CLASP1: variants seen among roughly 807,000 people sequenced by gnomAD.
The protein encoded by CLASP1 is cytoplasmic linker associated protein 1.
Under a neutral mutation model 192.3 loss-of-function variants are expected in CLASP1, and 38 were observed. That is an observed-to-expected ratio of 0.20 (90% CI 0.15 to 0.26). CLASP1 has a LOEUF of 0.26. CLASP1 is among the 10% of genes least tolerant of loss of function. The probability of loss-of-function intolerance (pLI) is 1.00; values close to 1 mark genes in which losing one functional copy is unlikely to be tolerated. For missense variants in CLASP1, 1,433 were observed against 1,932.5 expected (o/e 0.74, Z 4.85); for synonymous variants, 691 against 712.8 (o/e 0.97, Z 0.49).
chr2:121,404,518 G>A, intron 25 of CLASP1, 84 bp from the exon 27 acceptor site: 1 of 1,203,894 alleles, frequency 8.3e-7, no homozygotes, highest in Non-Finnish European at 1.2e-6. Context: ...CCAGGCTAGA[G>A]TGCAGTGGTG....
chr2:121,348,572 C>T, exon 38 of CLASP1: 1 of 1,613,716 alleles, frequency 6.2e-7, no homozygotes, highest in South Asian at 1.1e-5. Flanking sequence ...TTGCGATCCT[C>T]TCGACGACTT....
intron 1 of CLASP1, among the ~76,000 whole-genome samples, chr2:121,626,969 T>A (rs1343100963): frequency 6.6e-6 from 1 of 152,106 alleles, no homozygotes; most frequent in Non-Finnish European, 1.5e-5. Context: ...AAGCAAGTGA[T>A]CCACAAAGAA....
At chr2:121,482,641 G>A (rs2092681930) in intron 8 of CLASP1, among the ~76,000 whole-genome samples, 2 of 152,136 alleles carry the variant, frequency 1.3e-5, no homozygotes, top group African/African-American at 2.4e-5. Context: ...GGAAGATGGG[G>A]ATAAACTATC....
chr2:121,647,390 TAATA>T (rs754486625), intron 1 of CLASP1, among the ~76,000 whole-genome samples: 24 of 152,018 alleles, frequency 1.6e-4, no homozygotes, highest in Non-Finnish European at 2.8e-4. Flanking sequence ...TAAAAATAAA[TAATA>T]AATAAAACCA....
In CLASP1 at chr2:121,339,149, A is replaced by ACACACACACAC. The variant is rs1448436298; in HGVS notation, c.*1701_*1711dup. 5.2e-5 allele frequency: 8 copies of ACACACACACAC among 153,806 alleles called. No individual in the cohort carries two copies. In the East Asian group the frequency reaches 1.5e-3, roughly 29 times the overall value. The allele number at this position is 153,806 out of a possible 1,614,324, so 9.5% of individuals were successfully genotyped here. On this transcript the variant is annotated 3_prime_UTR_variant, in exon 40 of 40. Coordinates refer to ENST00000263710, the Ensembl canonical transcript of CLASP1. The stretch of plus-strand genomic sequence containing the variant: ...CACAACACCACACACACACACACAC[A>ACACACACACAC]CACACACACACACACACACACGTCA...
intron 6 of CLASP1, among the ~76,000 whole-genome samples, chr2:121,524,841 A>T (rs2094537427): frequency 6.6e-6 from 1 of 152,174 alleles, no homozygotes; most frequent in South Asian, 2.1e-4. Flanking sequence ...ACAGGCAGTG[A>T]GGAGGGGAGA....
intron 1 of CLASP1, among the ~76,000 whole-genome samples, chr2:121,627,467 T>C (rs528521804): frequency 6.6e-6 from 1 of 152,282 alleles, no homozygotes; most frequent in Admixed American, 6.5e-5. Flanking sequence ...TTCCACCAAG[T>C]ATATCAAGAC....
chr2:121,377,914 C>G (rs1405559259), intron 33 of CLASP1, among the ~76,000 whole-genome samples: 1 of 152,012 alleles, frequency 6.6e-6, no homozygotes, highest in Non-Finnish European at 1.5e-5. Context: ...AATGCAGGAA[C>G]TCAAAGAGTG....
In CLASP1 at chr2:121,535,888, C is replaced by T. The variant is rs558661947; in HGVS notation, c.196-5563G>A. ...TGTTGCCCAGGCTGGTCTTGAACTT[C>T]TGGACTCAAGCGATCCGACTGTGTT... On this transcript the variant is annotated intron_variant, in intron 2 of 39. Coordinates refer to ENST00000263710, the Ensembl canonical transcript of CLASP1. Among the ~76,000 whole-genome samples, 4 of 151,980 alleles carry T rather than the reference C, an allele frequency of 2.6e-5. No individual in the cohort carries two copies. The East Asian group carries it at 7.8e-4, about 30-fold the overall frequency.
Position 121,534,630 on chromosome 2 carries a change from C to T in CLASP1, c.196-4305G>A, listed in dbSNP as rs192785217. Among the ~76,000 whole-genome samples, 1,002 of 152,048 alleles carry T rather than the reference C, an allele frequency of 6.6e-3. 15 individuals carry two copies. Among genetic ancestry groups the T allele is most frequent in the African/African-American group, 0.023 (958 of 41,354 alleles). ...TCTGCTCACTGCAACCTCCGCCTCC[C>T]GGGTTCAAGAGATTCTCGTGCTTCA... On this transcript the variant is annotated intron_variant, in intron 2 of 39. Coordinates refer to ENST00000263710, the Ensembl canonical transcript of CLASP1.
chr2:121,610,528 T>G (rs1229847630), intron 1 of CLASP1, among the ~76,000 whole-genome samples: 65 of 67,060 alleles, frequency 9.7e-4, no homozygotes, highest in Admixed American at 1.5e-3. Context: ...GGAGGAGGAG[T>G]TACAGGAGGA....
chr2:121,577,835 G>A lies in CLASP1; in HGVS notation c.195+27866C>T, dbSNP rs114902995. On this transcript the variant is annotated intron_variant, in intron 2 of 39. Coordinates refer to ENST00000263710, the Ensembl canonical transcript of CLASP1. ...CATGCCTGTGATCCTAGCACTTTGG[G>A]AGCCCAAGACAGGAGAAGTGCTTGA... Among the ~76,000 whole-genome samples the A allele has an allele frequency of 7.4e-4, 112 of 152,250 alleles. 2 individuals are homozygous for A. Among genetic ancestry groups the A allele is most frequent in the African/African-American group, 2.6e-3 (108 of 41,558 alleles).
In CLASP1 at chr2:121,435,651, T is replaced by G. The variant is rs182006180; in HGVS notation, c.1913-5474A>C. Among the ~76,000 whole-genome samples, 313 of 152,342 alleles carry G rather than the reference T, an allele frequency of 2.1e-3. 1 individual carries two copies. Among genetic ancestry groups the G allele is most frequent in the African/African-American group, 7.1e-3 (294 of 41,566 alleles). On this transcript the variant is annotated intron_variant, in intron 19 of 39. Coordinates refer to ENST00000263710, the Ensembl canonical transcript of CLASP1. Reference sequence around the variant, plus strand: ...TATCCTCTCCTTTGTTTCCTTCTTTTGGATTAATTTTTTAAAGATGCTTTA... The same window carrying G: ...TATCCTCTCCTTTGTTTCCTTCTTTGGGATTAATTTTTTAAAGATGCTTTA...
At chr2:121,374,443 C>CA (rs1491407024) in intron 34 of CLASP1, among the ~76,000 whole-genome samples, 1 of 152,216 alleles carries the variant, frequency 6.6e-6, no homozygotes, top group African/African-American at 2.4e-5. Flanking sequence ...TTGGAGCCCC[C>CA]ACAGAGTCCC....
intron 8 of CLASP1, among the ~76,000 whole-genome samples, chr2:121,478,934 AC>A (rs1559369615): frequency 3.6e-4 from 3 of 8,310 alleles, no homozygotes; most frequent in East Asian, 3.3e-3. Context: ...ACCACACAAC[AC>A]CCCCCACACA....
chr2:121,590,513 C>T (rs752936658), intron 2 of CLASP1, among the ~76,000 whole-genome samples: 11 of 152,140 alleles, frequency 7.2e-5, no homozygotes, highest in Non-Finnish European at 1.5e-4. Flanking sequence ...GACAAAATAG[C>T]ATGATCGGTC....
intron 19 of CLASP1, among the ~76,000 whole-genome samples, chr2:121,435,322 T>C (rs2082115884): frequency 6.6e-6 from 1 of 152,236 alleles, no homozygotes. Context: ...TTGCCCAGGC[T>C]GGAGTTCAAT....
At chr2:121,365,411 C>T in intron 35 of CLASP1, 127 bp from the exon 37 acceptor site, 1 of 863,442 alleles carries the variant, frequency 1.2e-6, no homozygotes, top group Non-Finnish European at 1.8e-6. Flanking sequence ...CTTCACGGTT[C>T]CCCTCCCACC....
chr2:121,461,219 A>T (rs1401436029), intron 10 of CLASP1, 26 bp from the exon 11 acceptor site: 2 of 1,309,848 alleles, frequency 1.5e-6, no homozygotes, highest in South Asian at 2.6e-5. Flanking sequence ...ATTTACAATC[A>T]ATATAAAAAC....
Sources: allele counts gnomAD v4.1 joint callset (sites outside exome capture counted in the v4.1 genomes callset), GRCh38; gene constraint gnomAD v4.1.1; transcripts MANE v1.5; gene names NCBI Gene and HGNC (gene_info 2026-07-23, HGNC 2026-07-21).